OSBPL1A: variants seen among roughly 807,000 people sequenced by gnomAD.
OSBPL1A encodes the protein oxysterol binding protein like 1A, also known as oxysterol-binding protein-related protein 1.
Under a neutral mutation model 137.1 loss-of-function variants are expected in OSBPL1A, and 80 were observed. The ratio of observed to expected loss-of-function variants is 0.58; its 90% CI spans 0.49 to 0.70. The LOEUF (loss-of-function observed/expected upper bound fraction) is 0.70, where lower values mean the gene tolerates loss of function less well. Ranked by LOEUF, OSBPL1A falls within the 30% of genes least tolerant of loss-of-function variation. The pLI is 0.00. For missense variants in OSBPL1A, 970 were observed against 1,129.4 expected, an observed-to-expected ratio of 0.86 and a Z score of 2.02; for synonymous variants, 365 against 389.7, an observed-to-expected ratio of 0.94 and a Z score of 0.75.
intron 1 of OSBPL1A, among the ~76,000 whole-genome samples, chr18:24,393,647 G>C (rs762678210): frequency 2.6e-5 from 4 of 152,012 alleles, no homozygotes; most frequent in Non-Finnish European, 5.9e-5. Flanking sequence ...TAGAGCCGGG[G>C]TTTCACTGTG....
intron 1 of OSBPL1A, among the ~76,000 whole-genome samples, chr18:24,388,631 C>T (rs1388830984): frequency 2.0e-5 from 3 of 151,866 alleles, no homozygotes; most frequent in African/African-American, 7.3e-5. Context: ...GAAACTCCGT[C>T]TCTACTAAAA....
At chr18:24,362,677 ACT>A (rs1476145913) in intron 4 of OSBPL1A, among the ~76,000 whole-genome samples, 3 of 152,316 alleles carry the variant, frequency 2.0e-5, no homozygotes, top group Non-Finnish European at 4.4e-5. Flanking sequence ...CAAGAAATAC[ACT>A]CTATGTCATA....
intron 1 of OSBPL1A, among the ~76,000 whole-genome samples, chr18:24,379,645 A>C (rs143666105): frequency 0.01 from 1,525 of 152,136 alleles, 28 homozygotes; most frequent in African/African-American, 0.035. Context: ...AGGTGGTAGG[A>C]TCACTTGAGG....
At position 24,272,074 on chromosome 18, in the gene OSBPL1A, G is replaced by T. The variant is rs1333320954; in HGVS notation, c.1281+8768C>A. The T allele has an allele frequency of 6.1e-6, 6 of 982,224 alleles. 1 individual carries two copies. The African/African-American group carries it at 1.1e-4, about 17-fold the overall frequency. The allele number at this position is 982,224 out of a possible 1,614,324, so 60.8% of individuals were successfully genotyped here. A position where few individuals can be genotyped will look rare whatever the true frequency, so the allele number is the denominator to read the frequency against. On this transcript the variant is annotated intron_variant, in intron 15 of 27. Coordinates refer to ENST00000319481, the MANE Select transcript of OSBPL1A (RefSeq NM_080597.4). ...CTCCCCTTCCCCAGCGCCGCTGGCGGGCGGAGGCGCAGGTAGGGACCGCCG... is the reference window on the plus strand; with the variant it reads ...CTCCCCTTCCCCAGCGCCGCTGGCGTGCGGAGGCGCAGGTAGGGACCGCCG...
At chr18:24,307,952 T>G (rs61156478) in intron 13 of OSBPL1A, among the ~76,000 whole-genome samples, 41,786 of 151,492 alleles carry the variant, frequency 0.28, 6,838 homozygotes, top group African/African-American at 0.46. Flanking sequence ...ACCATGCCTT[T>G]CTAATTTTTG....
chr18:24,333,808 A>G (rs2091126442), intron 6 of OSBPL1A, among the ~76,000 whole-genome samples: 1 of 152,218 alleles, frequency 6.6e-6, no homozygotes, highest in Non-Finnish European at 1.5e-5. Flanking sequence ...TTCTTTGCAT[A>G]GTACCTTCCA....
intron 4 of OSBPL1A, among the ~76,000 whole-genome samples, chr18:24,363,115 GC>G (rs2146188985): frequency 6.6e-6 from 1 of 152,314 alleles, no homozygotes; most frequent in Admixed American, 6.5e-5. Flanking sequence ...CTAGCATGAG[GC>G]TGCTTTTTCT....
intron 4 of OSBPL1A, among the ~76,000 whole-genome samples, chr18:24,347,208 G>T (rs972894405): frequency 1.3e-5 from 2 of 151,932 alleles, no homozygotes; most frequent in African/African-American, 2.4e-5. Context: ...CATGAGTCTT[G>T]TTCCGTCACC....
intron 4 of OSBPL1A, among the ~76,000 whole-genome samples, chr18:24,343,819 C>T (rs80100053): frequency 1.3e-5 from 2 of 152,020 alleles, no homozygotes; most frequent in Non-Finnish European, 2.9e-5. Flanking sequence ...AAAACTAACT[C>T]GATATAGGTC....
chr18:24,166,442 A>T (rs1425743687), intron 26 of OSBPL1A, 137 bp downstream of exon 26: 1 of 1,078,676 alleles, frequency 9.3e-7, no homozygotes, highest in East Asian at 2.8e-5. Flanking sequence ...TTTAAATTGA[A>T]TGTTAACTCA....
intron 14 of OSBPL1A, among the ~76,000 whole-genome samples, chr18:24,299,894 C>CT (rs1340320139): frequency 6.6e-6 from 1 of 152,182 alleles, no homozygotes; most frequent in Non-Finnish European, 1.5e-5. Context: ...TTTTCACCCA[C>CT]TAATCCCATC....
chr18:24,383,789 A>G (rs560118808), intron 1 of OSBPL1A, among the ~76,000 whole-genome samples: 43 of 152,340 alleles, frequency 2.8e-4, no homozygotes, highest in African/African-American at 1.0e-3. Context: ...TTATCTACTT[A>G]AACAGTCCAT....
Position 24,212,656 on chromosome 18 carries a change from G to C in OSBPL1A, c.1601+12386C>G, listed in dbSNP as rs2145969957. Among the ~76,000 whole-genome samples the C allele has an allele frequency of 1.3e-5, 2 of 152,192 alleles. 1 individual carries two copies. The highest frequency in any genetic ancestry group is 6.8e-3 in the Middle Eastern group (2 of 294). On this transcript the variant is annotated intron_variant, in intron 17 of 27. Transcript: ENST00000319481. ...CAATGAAAATGATGCCCTCAAACAA[G>C]GGAAAATGTTTGCCCTCCAAAGGTG...
intron 15 of OSBPL1A, among the ~76,000 whole-genome samples, chr18:24,255,327 G>A (rs2146033626): frequency 6.6e-6 from 1 of 152,240 alleles, no homozygotes; most frequent in Middle Eastern, 3.4e-3. Context: ...ATAGAGAAGG[G>A]AATACTTCCA....
intron 5 of OSBPL1A, among the ~76,000 whole-genome samples, chr18:24,338,949 T>C (rs905301244): frequency 6.6e-6 from 1 of 152,050 alleles, no homozygotes; most frequent in Non-Finnish European, 1.5e-5. Context: ...TGTGACCTCG[T>C]GATCCACCCG....
At chr18:24,396,016 C>T (rs1371585908) in intron 1 of OSBPL1A, among the ~76,000 whole-genome samples, 9 of 150,604 alleles carry the variant, frequency 6.0e-5, no homozygotes, top group African/African-American at 1.7e-4. Context: ...GTCAGGAGTT[C>T]GAGACCAGCC....
chr18:24,321,318 T>C (rs2090851325), intron 7 of OSBPL1A, among the ~76,000 whole-genome samples: 1 of 152,208 alleles, frequency 6.6e-6, no homozygotes, highest in African/African-American at 2.4e-5. Context: ...GGACTACAGA[T>C]GTTCCCCAAC....
chr18:24,325,792 A>G (rs1025479884), intron 7 of OSBPL1A, among the ~76,000 whole-genome samples: 10 of 152,380 alleles, frequency 6.6e-5, no homozygotes, highest in South Asian at 2.1e-4. Flanking sequence ...ATGTGATTAA[A>G]CTGGGAGGAA....
intron 2 of OSBPL1A, among the ~76,000 whole-genome samples, chr18:24,372,015 C>T (rs1362360357): frequency 1.3e-5 from 2 of 152,166 alleles, no homozygotes; most frequent in East Asian, 3.8e-4. Context: ...GTGGCTCACA[C>T]CTGTAATCCC....
Sources: gnomAD v4.1 joint callset for allele counts (sites outside exome capture counted in the v4.1 genomes callset) on GRCh38, gnomAD v4.1.1 for gene constraint, MANE v1.5 for transcripts, NCBI Gene and HGNC (gene_info 2026-07-23, HGNC 2026-07-21) for gene names.